The following PRR36 variants were observed in gnomAD, a reference collection of about 807,000 sequenced individuals.
PRR36 encodes proline rich 36, also known as proline-rich protein 36.
PRR36 carries 30 observed loss-of-function variants against 58.6 expected under a neutral mutation model. That is an observed-to-expected ratio of 0.51 (90% CI 0.38 to 0.69). The LOEUF is 0.69. Among genes scored for constraint, PRR36 ranks in the 30% least tolerant of loss-of-function variants. The probability of loss-of-function intolerance (pLI) is 0.00; values close to 1 mark genes in which losing one functional copy is unlikely to be tolerated. For synonymous variants in PRR36, 771 were observed against 829.3 expected (o/e 0.93, Z 1.21); for missense variants, 1,692 against 1,805.6 (o/e 0.94, Z 1.14).
chr19:7,871,436 G>C lies in PRR36; in HGVS notation c.1808C>G (p.Pro603Arg). The change falls in exon 5 of 6, where the codon CCC (proline) becomes CGC (arginine). Residue 603 changes from proline to arginine, a missense_variant. Physicochemically the swap from Pro to Arg is moderately radical, Grantham distance 103 (BLOSUM62 -2). Coordinates refer to ENST00000618550, the MANE Select transcript of PRR36 (RefSeq NM_001190467.2). Reference sequence around the variant, plus strand: ...CAGAGAGGACAAAGCCAGAGGAGAGGGAGGTGCCTGCAGAGACGGTGAGGT... The same window carrying C: ...CAGAGAGGACAAAGCCAGAGGAGAGCGAGGTGCCTGCAGAGACGGTGAGGT... ...SLTSPSLQAP[P>R]SPLALSSLQA... The C allele has an allele frequency of 6.5e-7, 1 of 1,535,784 alleles. No homozygotes were observed. Among genetic ancestry groups the C allele is most frequent in the Non-Finnish European group, 8.7e-7 (1 of 1,146,818 alleles).
chr19:7,871,322 A>G lies in PRR36; in HGVS notation c.1922T>C (p.Ile641Thr), dbSNP rs525420. The G allele has an allele frequency of 0.57, 877,183 of 1,533,392 alleles. 254,921 individuals are homozygous for G. Among genetic ancestry groups the G allele is most frequent in the South Asian group, 0.74 (61,779 of 84,000 alleles). 95.0% of individuals were successfully genotyped at this position (1,533,392 alleles called of 1,614,324 possible). A position where few individuals can be genotyped will look rare whatever the true frequency, so the allele number is the denominator to read the frequency against. Residue 641 changes from isoleucine (I) to threonine (T), a missense_variant, in exon 5 of 6, where the codon ATC (isoleucine) becomes ACC (threonine). By Grantham distance (89) the Ile-to-Thr change is moderately conservative (BLOSUM62 -1). Transcript: ENST00000618550. ...MSPRQTQASL[I>T]SPSRPASTPP... The stretch of plus-strand genomic sequence containing the variant: ...AGTAGAGGCCGGCCGAGAAGGTGAG[A>G]TCAAAGAAGCTTGGGTTTGCCTAGG...
At position 7,873,658 on chromosome 19, in the gene PRR36, C is replaced by T. The variant is rs1246708350; in HGVS notation, c.32G>A (p.Gly11Glu). 5 of 1,535,090 alleles carry T rather than the reference C, an allele frequency of 3.3e-6. No homozygotes were observed. In the Admixed American group the frequency reaches 5.9e-5, roughly 18 times the overall value. Reference protein sequence around the residue: MDNKRDKAKAGAAARTPAARA... With the variant: MDNKRDKAKAEAAARTPAARA... ...AGCAGCCGGCGTCCGCGCGGCGGCC[C>T]CTGCCTTCGCCTTGTCTCTCTTGTT... The change falls in exon 2 of 6, where the codon GGG becomes GAG. Residue 11 changes from glycine (G) to glutamate (E), a missense_variant. Around this residue, in one of 5 missense-constraint regions of PRR36, gnomAD observed 975 missense variants for 955.2 expected, o/e 1.02. Transcript: ENST00000618550. The surrounding 1 kb of genome is among the most constrained non-coding windows in gnomAD (Gnocchi z 5.0).
chr19:7,871,499 A>G lies in PRR36; in HGVS notation c.1745T>C (p.Leu582Pro), dbSNP rs1159461674. 2 of 1,534,262 alleles carry G rather than the reference A, an allele frequency of 1.3e-6. No homozygotes were observed. The highest frequency in any genetic ancestry group is 1.7e-6 in the Non-Finnish European group (2 of 1,146,474). Residue 582 changes from leucine to proline, a missense_variant, in exon 5 of 6, where the codon CTC becomes CCC. Coordinates refer to ENST00000618550, the MANE Select transcript of PRR36 (RefSeq NM_001190467.2). ...TTPPMQAPPS[L>P]QTIPPIQVPH... ...GACCTGTATTGGGGGAATGGTCTGG[A>G]GAGAGGGCGGGGCCTGCATAGGGGG...
At position 7,873,645 on chromosome 19, in the gene PRR36, C is replaced by T; in HGVS notation, c.45G>A (p.Arg15=). Residue 15 remains arginine, a synonymous_variant, in exon 2 of 6, where the codon CGG becomes CGA. Transcript: ENST00000618550. This position sits in a 1 kb window ranked among gnomAD's most constrained non-coding sequence, Gnocchi z 5.0. ...RDKAKAGAAA[R]TPAARAPGLL... is the part of the protein sequence containing the mutation. ...GTCCAGGAGCGCGAGCAGCCGGCGT[C>T]CGCGCGGCGGCCCCTGCCTTCGCCT... 2.0e-6 allele frequency: 3 copies of T among 1,535,260 alleles called. No individual in the cohort carries two copies. Among genetic ancestry groups the T allele is most frequent in the Non-Finnish European group, 2.6e-6 (3 of 1,146,722 alleles).
chr19:7,870,619 T>G lies in PRR36; in HGVS notation c.2625A>C (p.Pro875=), dbSNP rs1980370712. 8.0e-6 allele frequency: 9 copies of G among 1,128,564 alleles called. No homozygotes were observed. The highest frequency in any genetic ancestry group is 9.7e-6 in the Non-Finnish European group (9 of 928,480). 69.9% of individuals were successfully genotyped at this position (1,128,564 alleles called of 1,614,324 possible). ...SPLATPSPQA[P]NALAVHLLQA... is the part of the protein sequence containing the mutation. The stretch of plus-strand genomic sequence containing the variant: ...GCAGAAGGTGCACTGCCAGAGCATT[T>G]GGGGCCTGTGGAGAGGGTGTGGCCA... The change falls in exon 5 of 6, where the codon CCA becomes CCC. Residue 875 remains proline, a synonymous_variant. Coordinates refer to ENST00000618550, the MANE Select transcript of PRR36 (RefSeq NM_001190467.2).
chr19:7,871,864 G>A lies in PRR36; in HGVS notation c.1380C>T (p.Ala460=), dbSNP rs769709859. 7.4e-5 allele frequency: 114 copies of A among 1,535,992 alleles called. 1 individual carries two copies. In the South Asian group the frequency reaches 1.3e-3, roughly 17 times the overall value. Reference sequence around the variant, plus strand: ...AAACAGGGCCTTGTAGAGGAGACATGGCTGACAGAGGAGGTGTGGCCAAGG... The same window carrying A: ...AAACAGGGCCTTGTAGAGGAGACATAGCTGACAGAGGAGGTGTGGCCAAGG... ...LSPLATPPLS[A]MSPLQGPVSP... The change falls in exon 5 of 6, where the codon GCC becomes GCT. Residue 460 remains alanine, a synonymous_variant. Coordinates refer to ENST00000618550, the MANE Select transcript of PRR36 (RefSeq NM_001190467.2).
At position 7,868,847 on chromosome 19, in the gene PRR36, G is replaced by A. The variant is rs902158516; in HGVS notation, c.*186C>T. The A allele has an allele frequency of 8.0e-6, 5 of 621,322 alleles. No individual in the cohort carries two copies. The highest frequency in any genetic ancestry group is 1.9e-5 in the African/African-American group (1 of 51,826). The allele number at this position is 621,322 out of a possible 1,614,324, so 38.5% of individuals were successfully genotyped here. A position where few individuals can be genotyped will look rare whatever the true frequency, so the allele number is the denominator to read the frequency against. ...CAAAGGGGCGGAGCTCGAGGGGCGG[G>A]CCTAGGTCAAAGCTGTGGGTAGGTC... On this transcript the variant is annotated 3_prime_UTR_variant, in exon 6 of 6. Coordinates refer to ENST00000618550, the MANE Select transcript of PRR36 (RefSeq NM_001190467.2).
chr19:7,873,315 C>A lies in PRR36; in HGVS notation c.272-16G>T. On this transcript the variant is annotated splice_polypyrimidine_tract_variant and intron_variant, in intron 2 of 5. Transcript: ENST00000618550. This position sits in a 1 kb window ranked among gnomAD's most constrained non-coding sequence, Gnocchi z 5.0. ...GGCCTGGAGGCTGCGGGGAGAAGGC[C>A]GAGTCACAGGTGCCCCGGAGAGGTG... 6.5e-7 allele frequency: 1 copy of A among 1,529,228 alleles called. No homozygotes were observed. The highest frequency in any genetic ancestry group is 8.7e-7 in the Non-Finnish European group (1 of 1,143,452). 94.7% of individuals were successfully genotyped at this position (1,529,228 alleles called of 1,614,324 possible).
chr19:7,872,253 G>T lies in PRR36; in HGVS notation c.991C>A (p.Leu331Ile). The part of the protein sequence containing the change: ...DNAATPLPAT[L>I]PPSPPVTPPP... ...GGCGTTACCGGTGGAGAGGGAGGGA[G>T]CGTGGCTGGCAGGGGAGTGGCTGCA... Residue 331 changes from leucine (L) to isoleucine (I), a missense_variant, in exon 5 of 6, where the codon CTC becomes ATC. Physicochemically the swap from Leu to Ile is conservative, Grantham distance 5. Transcript: ENST00000618550. This position sits in a 1 kb window ranked among gnomAD's most constrained non-coding sequence, Gnocchi z 6.1. The T allele has an allele frequency of 1.4e-6, 2 of 1,456,152 alleles. No individual in the cohort carries two copies. Among genetic ancestry groups the T allele is most frequent in the Non-Finnish European group, 1.8e-6 (2 of 1,110,310 alleles). The allele number at this position is 1,456,152 out of a possible 1,614,324, so 90.2% of individuals were successfully genotyped here. A position where few individuals can be genotyped will look rare whatever the true frequency, so the allele number is the denominator to read the frequency against.
Position 7,872,061 on chromosome 19 carries a change from A to T in PRR36, c.1183T>A (p.Ser395Thr). 1 of 1,521,756 alleles carries T rather than the reference A, an allele frequency of 6.6e-7. No individual in the cohort carries two copies. Among genetic ancestry groups the T allele is most frequent in the African/African-American group, 1.5e-5 (1 of 68,494 alleles). 94.3% of individuals were successfully genotyped at this position (1,521,756 alleles called of 1,614,324 possible). ...ATCAGCTGTGTGGGTGGAACTTGCG[A>T]GGGGGGCGTGGCTGGTGGAGAGGGG... ...TLPSPPATPP[S>T]QVPPTQLIMS... is the part of the protein sequence containing the mutation. The change falls in exon 5 of 6, where the codon TCG becomes ACG. Residue 395 changes from serine (S) to threonine (T), a missense_variant. By Grantham distance (58) the Ser-to-Thr change is moderately conservative. Coordinates refer to ENST00000618550, the MANE Select transcript of PRR36 (RefSeq NM_001190467.2). The surrounding 1 kb of genome is among the most constrained non-coding windows in gnomAD (Gnocchi z 6.1).
Position 7,872,641 on chromosome 19 carries a change from C to T in PRR36, c.603G>A (p.Pro201=). Residue 201 remains proline (P), a synonymous_variant, in exon 5 of 6, where the codon CCG becomes CCA. Coordinates refer to ENST00000618550, the MANE Select transcript of PRR36 (RefSeq NM_001190467.2). The surrounding 1 kb of genome is among the most constrained non-coding windows in gnomAD (Gnocchi z 6.1). The part of the protein sequence containing the change: ...RPAPSARPRP[P]TEGPRKSVSS... Reference sequence around the variant, plus strand: ...TCACTGATTTCCGGGGGCCCTCTGTCGGGGGCCGTGGCCGGGCACTCGGAG... The same window carrying T: ...TCACTGATTTCCGGGGGCCCTCTGTTGGGGGCCGTGGCCGGGCACTCGGAG... 2 of 1,480,152 alleles carry T rather than the reference C, an allele frequency of 1.4e-6. No homozygotes were observed. Among genetic ancestry groups the T allele is most frequent in the Non-Finnish European group, 1.8e-6 (2 of 1,120,740 alleles). The allele number at this position is 1,480,152 out of a possible 1,614,324, so 91.7% of individuals were successfully genotyped here.
rs148143124 is a variant in PRR36, at chr19:7,872,324, G to A, written c.920C>T (p.Pro307Leu). ...GPLSSSPLAT[P>L]SPSGTKARPV... The stretch of plus-strand genomic sequence containing the variant: ...TCTTGCCTTGGTACCCGATGGAGAG[G>A]GTGTGGCCAAAGGAGAGGAAGAAAG... The change falls in exon 5 of 6, where the codon CCC (proline) becomes CTC (leucine). Residue 307 changes from proline to leucine, a missense_variant. Around this residue, in one of 5 missense-constraint regions of PRR36, gnomAD observed 975 missense variants for 955.2 expected, o/e 1.02. Coordinates refer to ENST00000618550, the MANE Select transcript of PRR36 (RefSeq NM_001190467.2). The surrounding 1 kb of genome is among the most constrained non-coding windows in gnomAD (Gnocchi z 6.1). 3.2e-4 allele frequency: 469 copies of A among 1,455,326 alleles called. No individual in the cohort carries two copies. In the African/African-American group the frequency reaches 6.0e-3, roughly 19 times the overall value. 90.2% of individuals were successfully genotyped at this position (1,455,326 alleles called of 1,614,324 possible). A position where few individuals can be genotyped will look rare whatever the true frequency, so the allele number is the denominator to read the frequency against.
At position 7,873,049 on chromosome 19, in the gene PRR36, CCTCT is replaced by C. The variant is rs1455982153; in HGVS notation, c.375-92_375-89del. 7.4e-7 allele frequency: 1 copy of C among 1,351,936 alleles called. No individual in the cohort carries two copies. The highest frequency in any genetic ancestry group is 1.0e-6 in the Non-Finnish European group (1 of 985,190). 83.7% of individuals were successfully genotyped at this position (1,351,936 alleles called of 1,614,324 possible). A position where few individuals can be genotyped will look rare whatever the true frequency, so the allele number is the denominator to read the frequency against. On this transcript the variant is annotated intron_variant, in intron 3 of 5. Coordinates refer to ENST00000618550, the MANE Select transcript of PRR36 (RefSeq NM_001190467.2). This position sits in a 1 kb window ranked among gnomAD's most constrained non-coding sequence, Gnocchi z 5.0. ...TCCCATCTGTGAAATGGGCATGTGCCCTCTCTGAGGACCAATAATGGCTTTCACC... is the reference window on the plus strand; with the variant it reads ...TCCCATCTGTGAAATGGGCATGTGCCCTGAGGACCAATAATGGCTTTCACC...
Position 7,870,034 on chromosome 19 carries a change from G to A in PRR36, c.3210C>T (p.Ala1070=). The A allele has an allele frequency of 6.9e-7, 1 of 1,453,922 alleles. No homozygotes were observed. Among genetic ancestry groups the A allele is most frequent in the Non-Finnish European group, 9.0e-7 (1 of 1,109,428 alleles). 90.1% of individuals were successfully genotyped at this position (1,453,922 alleles called of 1,614,324 possible). A position where few individuals can be genotyped will look rare whatever the true frequency, so the allele number is the denominator to read the frequency against. The change falls in exon 5 of 6, where the codon GCC becomes GCT. Residue 1070 remains alanine (A), a synonymous_variant. Transcript: ENST00000618550. ...PLLQVPPSPP[A]SPTLQAPRRP... is the part of the protein sequence containing the mutation. The stretch of plus-strand genomic sequence containing the variant: ...GGCGTGGGGCCTGCAGGGTGGGTGA[G>A]GCAGGGGGAGAGGGAGGGACCTGCA...
chr19:7,873,258 G>T lies in PRR36; in HGVS notation c.313C>A (p.Pro105Thr). ...PASGRGERAP[P>T]AKNTSPGPVS... ...GGGCCTGGGCTGGTGTTCTTGGCAG[G>T]AGGAGCTCTCTCCCCTCTCCCAGAG... The change falls in exon 3 of 6, where the codon CCT (proline) becomes ACT (threonine). Residue 105 changes from proline (P) to threonine (T), a missense_variant. Coordinates refer to ENST00000618550, the MANE Select transcript of PRR36 (RefSeq NM_001190467.2). This position sits in a 1 kb window ranked among gnomAD's most constrained non-coding sequence, Gnocchi z 5.0. The T allele has an allele frequency of 6.5e-7, 1 of 1,536,006 alleles. No individual in the cohort carries two copies. The highest frequency in any genetic ancestry group is 8.7e-7 in the Non-Finnish European group (1 of 1,146,844).
Position 7,873,566 on chromosome 19 carries a change from C to CG in PRR36, c.123dup (p.Ala42ArgfsTer75). On this transcript the variant is annotated frameshift_variant, in exon 2 of 6. Transcript: ENST00000618550. LOFTEE classifies it high-confidence loss of function. This position sits in a 1 kb window ranked among gnomAD's most constrained non-coding sequence, Gnocchi z 5.0. ...GCAGCTCCCAGAACTCGGAGGGCTG[C>CG]GGGAGTTACTGGGGGAGGGGGTCGA... 6.5e-7 allele frequency: 1 copy of CG among 1,534,584 alleles called. No individual in the cohort carries two copies. The highest frequency in any genetic ancestry group is 1.2e-5 in the South Asian group (1 of 84,000).
Position 7,869,888 on chromosome 19 carries a change from A to AGGTCTGGGCC in PRR36, c.3346_3355dup (p.Leu1119ArgfsTer77). 5 of 1,321,828 alleles carry AGGTCTGGGCC rather than the reference A, an allele frequency of 3.8e-6. No individual in the cohort carries two copies. Among genetic ancestry groups the AGGTCTGGGCC allele is most frequent in the Non-Finnish European group, 3.8e-6 (4 of 1,041,662 alleles). The allele number at this position is 1,321,828 out of a possible 1,614,324, so 81.9% of individuals were successfully genotyped here. On this transcript the variant is annotated frameshift_variant, in exon 5 of 6. Coordinates refer to ENST00000618550, the MANE Select transcript of PRR36 (RefSeq NM_001190467.2). LOFTEE classifies it high-confidence loss of function. ...CGTGGCGCTGCTGCTGTGGCCGGCC[A>AGGTCTGGGCC]GGTCTGGGCCGCTCAGCGTGCTGGA...
chr19:7,870,135 G>A lies in PRR36; in HGVS notation c.3109C>T (p.Pro1037Ser), dbSNP rs940150924. The change falls in exon 5 of 6, where the codon CCC becomes TCC. Residue 1037 changes from proline to serine, a missense_variant. By Grantham distance (74) the Pro-to-Ser change is moderately conservative. Coordinates refer to ENST00000618550, the MANE Select transcript of PRR36 (RefSeq NM_001190467.2). ...GGAGACATTGGGAGTGAGGCAGAGG[G>A]TGAGAAAGGGGCCTGCCCAGGGAAT... ...ASFPGQAPFSPSASLPMSPLA... is the reference protein window; with the variant it reads ...ASFPGQAPFSSSASLPMSPLA... 4.8e-6 allele frequency: 7 copies of A among 1,458,142 alleles called. No homozygotes were observed. In the South Asian group the frequency reaches 6.7e-5, roughly 14 times the overall value. 90.3% of individuals were successfully genotyped at this position (1,458,142 alleles called of 1,614,324 possible). A position where few individuals can be genotyped will look rare whatever the true frequency, so the allele number is the denominator to read the frequency against.
At position 7,873,831 on chromosome 19, in the gene PRR36, C is replaced by T; in HGVS notation, c.-7-135G>A. 5 of 805,154 alleles carry T rather than the reference C, an allele frequency of 6.2e-6. No homozygotes were observed. The highest frequency in any genetic ancestry group is 9.4e-6 in the Non-Finnish European group (5 of 534,724). 49.9% of individuals were successfully genotyped at this position (805,154 alleles called of 1,614,324 possible). ...CTCAAACCTCGGCCTCGGCTTCCAT[C>T]CGCTCGGCTCCCACGCACCTACACC... is the stretch of plus-strand genomic sequence containing the variant. On this transcript the variant is annotated intron_variant, in intron 1 of 5. Transcript: ENST00000618550. The surrounding 1 kb of genome is among the most constrained non-coding windows in gnomAD (Gnocchi z 5.0).
Sources: allele counts gnomAD v4.1 joint callset, GRCh38; gene constraint gnomAD v4.1.1; regional missense constraint gnomAD v4.1.1; non-coding constraint Gnocchi (gnomAD v3.1); transcripts MANE v1.5; gene names NCBI Gene and HGNC (gene_info 2026-07-23, HGNC 2026-07-21).